ARMC9: variants seen among roughly 807,000 people sequenced by gnomAD.
ARMC9 encodes armadillo repeat containing 9, also known as lisH domain-containing protein ARMC9.
A neutral mutation model predicts 107.0 loss-of-function variants in ARMC9; 94 were observed. The observed-to-expected ratio is 0.88, with a 90% CI of 0.74 to 1.04. The LOEUF (loss-of-function observed/expected upper bound fraction) is 1.04, where lower values mean the gene tolerates loss of function less well. Ranked by LOEUF, ARMC9 falls within the 50% of genes least tolerant of loss-of-function variation. The pLI is 0.00. For missense variants in ARMC9, 942 were observed against 1,030.1 expected, an observed-to-expected ratio of 0.91 and a Z score of 1.17; for synonymous variants, 380 against 396.9, an observed-to-expected ratio of 0.96 and a Z score of 0.51.
At chr2:231,308,182 G>T (rs897179180) in intron 19 of ARMC9, among the ~76,000 whole-genome samples, 2 of 152,246 alleles carry the variant, frequency 1.3e-5, no homozygotes, top group African/African-American at 4.8e-5. Flanking sequence ...GCTTAGTGCG[G>T]CAACACAGCC....
chr2:231,355,393 G>A (rs1032562039), intron 21 of ARMC9, among the ~76,000 whole-genome samples: 2 of 152,168 alleles, frequency 1.3e-5, no homozygotes, highest in African/African-American at 4.8e-5. Flanking sequence ...CACTTGCCAC[G>A]GCTGACATGA....
chr2:231,225,988 CTG>C (rs1344133387), intron 6 of ARMC9, among the ~76,000 whole-genome samples: 1 of 152,184 alleles, frequency 6.6e-6, no homozygotes, highest in Non-Finnish European at 1.5e-5. Context: ...TCCCAAGTAA[CTG>C]GGATTACAGG....
At position 231,362,187 on chromosome 2, in the gene ARMC9, C is replaced by T. The variant is rs2045615824; in HGVS notation, c.2261+1304C>T. Reference sequence around the variant, plus strand: ...CCTACCTGGGCCTCCTCCCCTCTTTCTGTGGCTGAAGAGGAGCTTGTCAGC... The same window carrying T: ...CCTACCTGGGCCTCCTCCCCTCTTTTTGTGGCTGAAGAGGAGCTTGTCAGC... On this transcript the variant is annotated intron_variant, in intron 23 of 24. Coordinates refer to ENST00000611582, the MANE Select transcript of ARMC9 (RefSeq NM_001352754.2). The surrounding 1 kb of genome is among the most constrained non-coding windows in gnomAD (Gnocchi z 4.7). 6.6e-6 allele frequency among the ~76,000 whole-genome samples: 1 copy of T among 152,180 alleles called. No individual in the cohort carries two copies. Among genetic ancestry groups the T allele is most frequent in the Non-Finnish European group, 1.5e-5 (1 of 68,020 alleles).
At chr2:231,319,970 G>A (rs1477552867) in intron 19 of ARMC9, among the ~76,000 whole-genome samples, 1 of 152,048 alleles carries the variant, frequency 6.6e-6, no homozygotes, top group Non-Finnish European at 1.5e-5. Context: ...TAATTCCACA[G>A]ATGATTCTGT....
At chr2:231,274,084 G>C (rs1375149535) in intron 14 of ARMC9, among the ~76,000 whole-genome samples, 1 of 152,146 alleles carries the variant, frequency 6.6e-6, no homozygotes, top group African/African-American at 2.4e-5. Context: ...CATTCCTTTT[G>C]TGGCTGAATA....
intron 7 of ARMC9, among the ~76,000 whole-genome samples, chr2:231,230,527 G>A (rs1205605590): frequency 6.6e-6 from 1 of 152,210 alleles, no homozygotes; most frequent in Non-Finnish European, 1.5e-5. Flanking sequence ...GACAGGTCTT[G>A]TTTGTAGCTA....
chr2:231,278,304 G>C, intron 15 of ARMC9, 78 bp from the exon 16 acceptor site: 1 of 1,436,782 alleles, frequency 7.0e-7, no homozygotes, highest in Non-Finnish European at 9.8e-7. Flanking sequence ...GCCAAGATTT[G>C]TCTCCAAGTC....
chr2:231,345,135 T>A, intron 21 of ARMC9, 45 bp downstream of exon 21: 1 of 1,604,360 alleles, frequency 6.2e-7, no homozygotes, highest in Non-Finnish European at 8.5e-7. Flanking sequence ...TCTTAAGCTT[T>A]GTTTTGATTA....
chr2:231,275,453 G>C (rs2039677427), intron 14 of ARMC9, among the ~76,000 whole-genome samples: 1 of 152,112 alleles, frequency 6.6e-6, no homozygotes, highest in Non-Finnish European at 1.5e-5. Context: ...CATTTTGATG[G>C]GGTATTGGAT....
chr2:231,214,717 T>A (rs2033297966), intron 3 of ARMC9, 114 bp from the exon 4 acceptor site: 11 of 1,118,786 alleles, frequency 9.8e-6, no homozygotes, highest in Non-Finnish European at 1.4e-5. Context: ...TCTATTTTTC[T>A]ATCCTTTACC....
chr2:231,349,510 G>A (rs1009427215), intron 21 of ARMC9, among the ~76,000 whole-genome samples: 1 of 152,116 alleles, frequency 6.6e-6, no homozygotes, highest in African/African-American at 2.4e-5. Flanking sequence ...GGCCAGGCGT[G>A]GTGGCTCATG....
At chr2:231,248,806 C>CAAAA (rs35234269) in intron 9 of ARMC9, among the ~76,000 whole-genome samples, 5 of 38,012 alleles carry the variant, frequency 1.3e-4, no homozygotes, top group Non-Finnish European at 2.5e-4. Flanking sequence ...GGTTCTGTCT[C>CAAAA]AAAAAAAAAA....
At chr2:231,205,789 G>A (rs1352945596) in intron 1 of ARMC9, among the ~76,000 whole-genome samples, 1 of 152,206 alleles carries the variant, frequency 6.6e-6, no homozygotes, top group Non-Finnish European at 1.5e-5. Flanking sequence ...TGGATGCAGT[G>A]GGAGGATCTA....
intron 14 of ARMC9, among the ~76,000 whole-genome samples, chr2:231,274,357 C>T (rs1009834886): frequency 1.3e-5 from 2 of 152,112 alleles, no homozygotes; most frequent in South Asian, 2.1e-4. Context: ...ACCTTGTGAT[C>T]CACCCGCCTC....
At chr2:231,368,489 T>C (rs929592843) in intron 23 of ARMC9, among the ~76,000 whole-genome samples, 1 of 152,014 alleles carries the variant, frequency 6.6e-6, no homozygotes, top group Non-Finnish European at 1.5e-5. Flanking sequence ...CATGGATGTG[T>C]GGAGAGGGTG....
At chr2:231,208,303 A>C (rs1288929177) in intron 3 of ARMC9, 51 bp downstream of exon 3, 1 of 1,442,776 alleles carries the variant, frequency 6.9e-7, no homozygotes, top group East Asian at 2.3e-5. Flanking sequence ...GATGCTCCCA[A>C]CTTGTGGAAA....
At chr2:231,344,927 T>C in intron 20 of ARMC9, 48 bp from the exon 21 acceptor site, 1 of 1,589,982 alleles carries the variant, frequency 6.3e-7, no homozygotes, top group African/African-American at 1.3e-5. Context: ...CTAGGTCAGC[T>C]CTCTAATAGA....
At chr2:231,226,192 C>T (rs138263885) in intron 6 of ARMC9, among the ~76,000 whole-genome samples, 48 of 152,216 alleles carry the variant, frequency 3.2e-4, no homozygotes, top group African/African-American at 1.1e-3. Flanking sequence ...TTATACAGTA[C>T]GTGAATAAAG....
intron 11 of ARMC9, among the ~76,000 whole-genome samples, chr2:231,260,571 G>A (rs1317424414): frequency 6.6e-6 from 1 of 152,076 alleles, no homozygotes; most frequent in Non-Finnish European, 1.5e-5. Context: ...TTGAGGACTC[G>A]GACGACGTAT....
Sources: gnomAD v4.1 joint callset for allele counts (sites outside exome capture counted in the v4.1 genomes callset) on GRCh38, gnomAD v4.1.1 for gene constraint, Gnocchi (gnomAD v3.1) non-coding constraint, MANE v1.5 for transcripts, NCBI Gene and HGNC (gene_info 2026-07-23, HGNC 2026-07-21) for gene names.